The following SUGT1 variants were observed in gnomAD, a reference collection of about 807,000 sequenced individuals.
SUGT1 encodes the protein protein SGT1 homolog.
A neutral mutation model predicts 56.1 loss-of-function variants in SUGT1; 15 were observed. The observed-to-expected ratio is 0.27, with a 90% CI of 0.18 to 0.41. SUGT1 has a LOEUF of 0.41. SUGT1 is among the 10% of genes least tolerant of loss of function. The pLI is 1.00. For synonymous variants in SUGT1, 123 were observed against 128.6 expected, an observed-to-expected ratio of 0.96 and a Z score of 0.30; for missense variants, 347 against 382.2, an observed-to-expected ratio of 0.91 and a Z score of 0.77.
chr13:52,653,211 C>A (rs1481571811), intron 2 of SUGT1, 108 bp downstream of exon 2: 1 of 1,298,040 alleles, frequency 7.7e-7, no homozygotes, highest in Admixed American at 2.1e-5. Context: ...GACCCAGGCT[C>A]TTGTTGATGC....
chr13:52,679,903 A>G (rs1161506732), intron 11 of SUGT1, 71 bp from the exon 12 acceptor site: 2 of 1,453,136 alleles, frequency 1.4e-6, no homozygotes, highest in Non-Finnish European at 1.8e-6. Flanking sequence ...ATACATGGTC[A>G]CAAAGTTTAC....
At position 52,697,288 on chromosome 13, in the gene SUGT1, A is replaced by T. The variant is rs1325680551; in HGVS notation, c.*9453A>T. ...CCAAAGTGTTGGGATTATAGGCGTAAGCCACTGTGCCCGGCTGTTTTTTGT... is the reference window on the plus strand; with the variant it reads ...CCAAAGTGTTGGGATTATAGGCGTATGCCACTGTGCCCGGCTGTTTTTTGT... On this transcript the variant is annotated 3_prime_UTR_variant, in exon 13 of 13. Coordinates refer to ENST00000310528, the MANE Select transcript of SUGT1 (RefSeq NM_006704.5). 4 of 152,550 alleles carry T rather than the reference A, an allele frequency of 2.6e-5. No homozygotes were observed. The highest frequency in any genetic ancestry group is 7.2e-5 in the African/African-American group (3 of 41,470). The allele number at this position is 152,550 out of a possible 1,614,324, so 9.4% of individuals were successfully genotyped here.
At chr13:52,668,199 C>G (rs1381681430) in intron 10 of SUGT1, among the ~76,000 whole-genome samples, 4 of 152,128 alleles carry the variant, frequency 2.6e-5, no homozygotes, top group African/African-American at 4.8e-5. Flanking sequence ...CCAGGATGGT[C>G]TTGATCTCCT....
Position 52,687,787 on chromosome 13 carries a change from G to T in SUGT1, c.954G>T (p.Arg318Ser), listed in dbSNP as rs772529967. The change falls in exon 13 of 13, where the codon AGG becomes AGT. Residue 318 changes from arginine to serine, a missense_variant. Physicochemically the swap from Arg to Ser is moderately radical, Grantham distance 110. Transcript: ENST00000310528. The part of the protein sequence containing the change: ...LSTNWSDVGK[R>S]KVEINPPDDM... ...CCAACTGGTCTGATGTAGGTAAAAG[G>T]AAAGTTGAAATCAATCCTCCTGATG... 2 of 1,602,578 alleles carry T rather than the reference G, an allele frequency of 1.2e-6. No homozygotes were observed. Among genetic ancestry groups the T allele is most frequent in the Admixed American group, 1.7e-5 (1 of 57,942 alleles).
chr13:52,659,895 C>T (rs1185837899), intron 5 of SUGT1, among the ~76,000 whole-genome samples: 2 of 137,686 alleles, frequency 1.5e-5, no homozygotes, highest in African/African-American at 2.7e-5. Context: ...GTGGCGCGAT[C>T]TCGACTCACT....
chr13:52,681,402 A>C (rs1963369239), intron 12 of SUGT1, among the ~76,000 whole-genome samples: 1 of 151,454 alleles, frequency 6.6e-6, no homozygotes, highest in Admixed American at 6.6e-5. Context: ...CCTGGGCAAC[A>C]GAGACCCTGT....
At position 52,660,837 on chromosome 13, in the gene SUGT1, C is replaced by T. The variant is rs1399410020; in HGVS notation, c.328+1588C>T. Among the ~76,000 whole-genome samples, 3 of 152,080 alleles carry T rather than the reference C, an allele frequency of 2.0e-5. No individual in the cohort carries two copies. In the East Asian group the frequency reaches 5.8e-4, roughly 29 times the overall value. On this transcript the variant is annotated intron_variant, in intron 5 of 12. Transcript: ENST00000310528. ...TTCTTTTTTTAGCGAGAGAAGGTCT[C>T]GCTCTGTCGCCCAGGCTGGAGTGCA...
Position 52,676,248 on chromosome 13 carries a change from A to G in SUGT1, c.646A>G (p.Lys216Glu). 1 of 1,612,178 alleles carries G rather than the reference A, an allele frequency of 6.2e-7. No homozygotes were observed. Among genetic ancestry groups the G allele is most frequent in the Non-Finnish European group, 8.5e-7 (1 of 1,179,254 alleles). ...CCTCCAGATTGAAATTAAACTGAAA[A>G]AGCCAGAGGCTGTGAGATGGGAAAA... is the stretch of plus-strand genomic sequence containing the variant. The part of the protein sequence containing the change: ...LSTKIEIKLK[K>E]PEAVRWEKLE... Residue 216 changes from lysine (K) to glutamate (E), a missense_variant, in exon 11 of 13, where the codon AAG becomes GAG. By Grantham distance (56) the Lys-to-Glu change is moderately conservative. Transcript: ENST00000310528.
chr13:52,656,248 A>G (rs1962163786), intron 2 of SUGT1, among the ~76,000 whole-genome samples: 1 of 152,240 alleles, frequency 6.6e-6, no homozygotes, highest in African/African-American at 2.4e-5. Flanking sequence ...TCACATACAG[A>G]TCTAGGCAAG....
At chr13:52,684,037 C>T (rs1050449301) in intron 12 of SUGT1, among the ~76,000 whole-genome samples, 45 of 151,856 alleles carry the variant, frequency 3.0e-4, no homozygotes, top group Non-Finnish European at 5.9e-4. Context: ...TGTGCCGTCA[C>T]ATCCAACTAA....
intron 5 of SUGT1, among the ~76,000 whole-genome samples, chr13:52,659,685 G>A (rs1035469211): frequency 1.3e-5 from 2 of 150,188 alleles, no homozygotes; most frequent in Non-Finnish European, 3.0e-5. Context: ...AAGAAACACA[G>A]TTTTGAGAGT....
intron 12 of SUGT1, among the ~76,000 whole-genome samples, chr13:52,681,861 G>C (rs1402861091): frequency 6.6e-6 from 1 of 150,538 alleles, no homozygotes; most frequent in African/African-American, 2.4e-5. Context: ...GAGAGAGAGA[G>C]AGATAGAACA....
At chr13:52,665,034 T>C (rs1011982096) in intron 8 of SUGT1, among the ~76,000 whole-genome samples, 3 of 152,190 alleles carry the variant, frequency 2.0e-5, no homozygotes, top group Admixed American at 6.5e-5. Context: ...CATTAGTCTT[T>C]CCATGTATCT....
chr13:52,658,553 TA>T, intron 4 of SUGT1, 85 bp downstream of exon 4: 1 of 1,295,520 alleles, frequency 7.7e-7, no homozygotes, highest in Non-Finnish European at 1.1e-6. Context: ...AAGCTTTATA[TA>T]AGTTGTAAAA....
intron 10 of SUGT1, among the ~76,000 whole-genome samples, chr13:52,673,666 G>A (rs1963028834): frequency 6.6e-6 from 1 of 152,218 alleles, no homozygotes; most frequent in African/African-American, 2.4e-5. Flanking sequence ...TTTATAGACA[G>A]TATGTTCATA....
chr13:52,658,578 C>A, intron 4 of SUGT1, 110 bp downstream of exon 4: 2 of 955,794 alleles, frequency 2.1e-6, no homozygotes, highest in Non-Finnish European at 1.5e-6. Flanking sequence ...TGTATTTATA[C>A]ATTATATAGC....
At chr13:52,662,925 T>A (rs1341339176) in intron 6 of SUGT1, among the ~76,000 whole-genome samples, 171 bp from the exon 7 acceptor site, 1 of 152,174 alleles carries the variant, frequency 6.6e-6, no homozygotes, top group Non-Finnish European at 1.5e-5. Context: ...AAGAAATTAC[T>A]AAGGAGTCTA....
chr13:52,683,574 G>C (rs1232138429), intron 12 of SUGT1, among the ~76,000 whole-genome samples: 3 of 151,890 alleles, frequency 2.0e-5, no homozygotes, highest in African/African-American at 7.2e-5. Flanking sequence ...GCTATCTTTG[G>C]TTTGGCATCA....
In SUGT1 at chr13:52,689,177, T is replaced by G. The variant is rs1963699632; in HGVS notation, c.*1342T>G. Reference sequence around the variant, plus strand: ...GTGTAGGGGAGTTACTAAGGAAAGTTTCAGTAAGGTGATACCAGATGGTGC... The same window carrying G: ...GTGTAGGGGAGTTACTAAGGAAAGTGTCAGTAAGGTGATACCAGATGGTGC... On this transcript the variant is annotated 3_prime_UTR_variant, in exon 13 of 13. Transcript: ENST00000310528. The G allele has an allele frequency of 6.6e-6, 1 of 152,080 alleles. No individual in the cohort carries two copies. Among genetic ancestry groups the G allele is most frequent in the Non-Finnish European group, 1.5e-5 (1 of 68,036 alleles). The allele number at this position is 152,080 out of a possible 1,614,324, so 9.4% of individuals were successfully genotyped here. A position where few individuals can be genotyped will look rare whatever the true frequency, so the allele number is the denominator to read the frequency against.
Sources: gnomAD v4.1 joint callset for allele counts (sites outside exome capture counted in the v4.1 genomes callset) on GRCh38, gnomAD v4.1.1 for gene constraint, MANE v1.5 for transcripts, NCBI Gene and HGNC (gene_info 2026-07-23, HGNC 2026-07-21) for gene names.